PRKG1: variants seen among roughly 807,000 people sequenced by gnomAD.
PRKG1 encodes the protein cGMP-dependent protein kinase 1.
PRKG1 carries 35 observed loss-of-function variants against 88.1 expected under a neutral mutation model. The ratio of observed to expected loss-of-function variants is 0.40; its 90% CI spans 0.30 to 0.53. PRKG1 has a LOEUF of 0.53. PRKG1 is among the 20% of genes least tolerant of loss of function. The pLI, the probability that PRKG1 is intolerant of heterozygous loss-of-function variation, is 0.59. For synonymous variants in PRKG1, 303 were observed against 292.5 expected (o/e 1.04, Z -0.37); for missense variants, 540 against 839.8 (o/e 0.64, Z 4.41).
chr10:51,249,912 A>G (rs557763765), intron 2 of PRKG1, among the ~76,000 whole-genome samples: 5 of 151,938 alleles, frequency 3.3e-5, no homozygotes, highest in African/African-American at 1.2e-4. Flanking sequence ...TATTGTGCTT[A>G]AGTGCCTTTA....
chr10:51,359,801 G>T (rs1417016840), intron 2 of PRKG1, among the ~76,000 whole-genome samples: 1 of 151,900 alleles, frequency 6.6e-6, no homozygotes, highest in South Asian at 2.1e-4. Context: ...CAAAAGACCA[G>T]ATGGGAAAAG....
intron 5 of PRKG1, among the ~76,000 whole-genome samples, chr10:51,961,390 A>G (rs1251937702): frequency 7.3e-6 from 1 of 137,344 alleles, no homozygotes; most frequent in Non-Finnish European, 1.6e-5. Context: ...TTTATTGAAA[A>G]AAAAGAATCT....
At chr10:51,914,222 A>G (rs541947070) in intron 5 of PRKG1, among the ~76,000 whole-genome samples, 3 of 87,774 alleles carry the variant, frequency 3.4e-5, no homozygotes, top group African/African-American at 1.4e-4. Flanking sequence ...GTGAGAAAAT[A>G]AAAAAAAAAA....
At chr10:51,729,654 C>T (rs1321562240) in intron 3 of PRKG1, among the ~76,000 whole-genome samples, 2 of 135,382 alleles carry the variant, frequency 1.5e-5, no homozygotes, top group African/African-American at 2.9e-5. Context: ...TTGCAGTGAG[C>T]CGAGGTCATG....
chr10:51,860,617 AC>A (rs547130047), intron 4 of PRKG1, among the ~76,000 whole-genome samples: 5 of 152,222 alleles, frequency 3.3e-5, no homozygotes, highest in African/African-American at 1.2e-4. Flanking sequence ...TCCTACCTCT[AC>A]CCATCACATC....
intron 2 of PRKG1, among the ~76,000 whole-genome samples, chr10:51,416,844 G>T (rs970133423): frequency 6.6e-6 from 1 of 152,068 alleles, no homozygotes; most frequent in African/African-American, 2.4e-5. Context: ...CTTTGTGCAC[G>T]GATGTGACTC....
At chr10:51,051,189 T>G (rs1843556079) in intron 1 of PRKG1, among the ~76,000 whole-genome samples, 2 of 152,120 alleles carry the variant, frequency 1.3e-5, no homozygotes, top group African/African-American at 4.8e-5. Flanking sequence ...TCTATTTTTG[T>G]TTTTGTTGCC....
chr10:51,113,563 G>A (rs1564605123), intron 1 of PRKG1, among the ~76,000 whole-genome samples: 1 of 151,990 alleles, frequency 6.6e-6, no homozygotes. Context: ...CTATACATGT[G>A]TAGAGAGCAA....
intron 1 of PRKG1, among the ~76,000 whole-genome samples, chr10:51,031,904 G>GT (rs1564575893): frequency 6.6e-6 from 1 of 152,152 alleles, no homozygotes; most frequent in Non-Finnish European, 1.5e-5. Context: ...GATTTTAGGT[G>GT]TTTTTTCAAT....
At chr10:52,176,455 T>C (rs1197987378) in intron 9 of PRKG1, among the ~76,000 whole-genome samples, 1 of 152,110 alleles carries the variant, frequency 6.6e-6, no homozygotes, top group Non-Finnish European at 1.5e-5. Flanking sequence ...GTGTGATGCC[T>C]TCAGGTCCAC....
At chr10:52,252,410 T>A (rs1841195832) in intron 10 of PRKG1, 1 of 150,306 alleles carries the variant, frequency 6.7e-6, no homozygotes. Flanking sequence ...TATGACTAAC[T>A]GCATTTCAAG....
intron 3 of PRKG1, among the ~76,000 whole-genome samples, chr10:51,482,754 G>A (rs1462218540): frequency 6.6e-6 from 1 of 152,032 alleles, no homozygotes; most frequent in African/African-American, 2.4e-5. Context: ...TATACTTTGG[G>A]CCTTAACAAG....
intron 3 of PRKG1, among the ~76,000 whole-genome samples, chr10:51,546,949 G>A (rs1030292862): frequency 6.6e-6 from 1 of 152,116 alleles, no homozygotes; most frequent in South Asian, 2.1e-4. Flanking sequence ...AATTATTATT[G>A]AATCTTATTA....
chr10:51,177,054 A>G (rs1006451603), intron 2 of PRKG1, among the ~76,000 whole-genome samples: 5 of 152,150 alleles, frequency 3.3e-5, no homozygotes, highest in African/African-American at 1.2e-4. Context: ...TTTTGAGCAA[A>G]CCTGAATTTA....
rs77906313 is a variant in PRKG1 at position 51,295,991 on chromosome 10, T to C, written c.478+142661T>C. ...TGTATCACGTTGATTGATTTCCTTA[T>C]GTTGAGCCATCTTTACACCCCAGGG... On this transcript the variant is annotated intron_variant, in intron 2 of 17. Transcript: ENST00000373980. Among the ~76,000 whole-genome samples, 466 of 152,316 alleles carry C rather than the reference T, an allele frequency of 3.1e-3. 8 individuals are homozygous for C. Among genetic ancestry groups the C allele is most frequent in the Admixed American group, 0.028 (425 of 15,296 alleles).
At chr10:51,379,914 C>T (rs1001824322) in intron 2 of PRKG1, among the ~76,000 whole-genome samples, 11 of 152,116 alleles carry the variant, frequency 7.2e-5, no homozygotes, top group Non-Finnish European at 1.5e-4. Flanking sequence ...CAAGTGAGAC[C>T]ATACTGGGCT....
At position 52,251,607 on chromosome 10, in the gene PRKG1, C is replaced by T. The variant is rs1286827784; in HGVS notation, c.1114C>T (p.Leu372=). The change falls in exon 10 of 18, where the codon CTG becomes TTG. Residue 372 remains leucine, a synonymous_variant. Transcript: ENST00000373980. The stretch of plus-strand genomic sequence containing the variant: ...AGCGGCTTTCTTCGCCAACCTGAAG[C>T]TGTCTGATTTCAACATCATTGATAC... ...AEAAFFANLK[L]SDFNIIDTLG... is the part of the protein sequence containing the mutation. The T allele has an allele frequency of 6.2e-7, 1 of 1,613,450 alleles. No individual in the cohort carries two copies. Among genetic ancestry groups the T allele is most frequent in the African/African-American group, 1.3e-5 (1 of 74,886 alleles).
intron 2 of PRKG1, among the ~76,000 whole-genome samples, chr10:51,292,864 C>A (rs558779633): frequency 1.3e-5 from 2 of 152,068 alleles, no homozygotes; most frequent in Admixed American, 1.3e-4. Flanking sequence ...TTATGGTTTA[C>A]ACCCAATCCC....
chr10:51,392,499 A>G (rs1247994689), intron 2 of PRKG1, among the ~76,000 whole-genome samples: 2 of 152,204 alleles, frequency 1.3e-5, no homozygotes, highest in Non-Finnish European at 2.9e-5. Flanking sequence ...TTCTTAGTAC[A>G]GAACAAAATG....
Sources: allele counts gnomAD v4.1 joint callset (sites outside exome capture counted in the v4.1 genomes callset), GRCh38; gene constraint gnomAD v4.1.1; transcripts MANE v1.5; gene names NCBI Gene and HGNC (gene_info 2026-07-23, HGNC 2026-07-21).